The following DNAAF9 variants were observed in gnomAD, a reference collection of about 807,000 sequenced individuals.
DNAAF9 encodes shulin.
DNAAF9 carries 90 observed loss-of-function variants against 167.0 expected under a neutral mutation model. The ratio of observed to expected loss-of-function variants is 0.54; its 90% CI spans 0.45 to 0.64. The LOEUF is 0.64. DNAAF9 is among the 30% of genes least tolerant of loss of function. The pLI, the probability that DNAAF9 is intolerant of heterozygous loss-of-function variation, is 0.00. For synonymous variants in DNAAF9, 491 were observed against 508.8 expected (o/e 0.96, Z 0.47); for missense variants, 1,315 against 1,442.2 (o/e 0.91, Z 1.43).
chr20:3,387,467 G>A (rs6037586), intron 1 of DNAAF9, among the ~76,000 whole-genome samples: 30,834 of 151,896 alleles, frequency 0.2, 3,405 homozygotes, highest in African/African-American at 0.27. Flanking sequence ...GGACCTCACC[G>A]TACACCATAT....
In DNAAF9 at chr20:3,387,516, A is replaced by G. The variant is rs2083761057; in HGVS notation, c.84-5010T>C. ...CAAAATGTATCAAAGACCTAAACAT[A>G]AACATAAAACTATAAAACTTTTATA... On this transcript the variant is annotated intron_variant, in intron 1 of 36. Coordinates refer to ENST00000252032, the MANE Select transcript of DNAAF9 (RefSeq NM_001009984.3). Among the ~76,000 whole-genome samples, 3 of 152,346 alleles carry G rather than the reference A, an allele frequency of 2.0e-5. No homozygotes were observed. The South Asian group carries it at 6.2e-4, about 32-fold the overall frequency.
chr20:3,390,059 G>A (rs1010588715), intron 1 of DNAAF9, among the ~76,000 whole-genome samples: 10 of 151,456 alleles, frequency 6.6e-5, no homozygotes, highest in Non-Finnish European at 1.0e-4. Context: ...AAAGAAAAAT[G>A]GAAACATCTG....
In DNAAF9 at chr20:3,332,348, A is replaced by C. The variant is rs1412322773; in HGVS notation, c.995T>G (p.Val332Gly). ...SFAKHMVAQC[V>G]SPKGPLACSR... ...ACAAGCAAGAGGTCCCTTTGGTGAG[A>C]CACACTGGGCTACCTGGATGTCAGA... is the stretch of plus-strand genomic sequence containing the variant. Residue 332 changes from valine to glycine, a missense_variant, in exon 11 of 37, where the codon GTC becomes GGC. By Grantham distance (109) the Val-to-Gly change is moderately radical. This residue lies in a region of DNAAF9 where 981 missense variants were observed against 1,012.5 expected (regional missense o/e 0.97). Transcript: ENST00000252032. 1 of 1,599,368 alleles carries C rather than the reference A, an allele frequency of 6.3e-7. No individual in the cohort carries two copies. The highest frequency in any genetic ancestry group is 1.3e-5 in the African/African-American group (1 of 74,646).
In DNAAF9 at chr20:3,294,126, T is replaced by G; in HGVS notation, c.2238+13A>C. ...TCCTGTGAATTCCCAGCATATCTGGTGAGCTCCTCTACCTTGTCACTTTCT... is the reference window on the plus strand; with the variant it reads ...TCCTGTGAATTCCCAGCATATCTGGGGAGCTCCTCTACCTTGTCACTTTCT... On this transcript the variant is annotated intron_variant, in intron 25 of 36. Coordinates refer to ENST00000252032, the MANE Select transcript of DNAAF9 (RefSeq NM_001009984.3). 3.7e-5 allele frequency: 51 copies of G among 1,375,690 alleles called. No individual in the cohort carries two copies. The highest frequency in any genetic ancestry group is 1.8e-4 in the Middle Eastern group (1 of 5,530). The allele number at this position is 1,375,690 out of a possible 1,614,324, so 85.2% of individuals were successfully genotyped here.
intron 33 of DNAAF9, 149 bp from the exon 34 acceptor site, chr20:3,256,360 G>A (rs1245976533): frequency 1.5e-6 from 1 of 645,310 alleles, no homozygotes. Flanking sequence ...TAGAAAGGAT[G>A]GAGTAGGTGG....
chr20:3,308,269 T>C (rs548227085), intron 20 of DNAAF9, among the ~76,000 whole-genome samples: 3 of 152,162 alleles, frequency 2.0e-5, no homozygotes, highest in African/African-American at 7.2e-5. Flanking sequence ...ATTCTGTTCC[T>C]GAATGTGACC....
rs1334362599 is a variant in DNAAF9 at position 3,332,899 on chromosome 20, TG to T, written c.982-539del. Among the ~76,000 whole-genome samples, 366 of 67,582 alleles carry T rather than the reference TG, an allele frequency of 5.4e-3. 5 individuals are homozygous for T. The highest frequency in any genetic ancestry group is 0.015 in the East Asian group (43 of 2,822). The allele number at this position is 67,582 out of a possible 152,430, so 44.3% of individuals were successfully genotyped here. On this transcript the variant is annotated intron_variant, in intron 10 of 36. Coordinates refer to ENST00000252032, the MANE Select transcript of DNAAF9 (RefSeq NM_001009984.3). ...GCATGCGTGTGTGCGTGTGTGCGTGTGGTGTGTGTGTGTGTGTGTGTGTGTG... is the reference window on the plus strand; with the variant it reads ...GCATGCGTGTGTGCGTGTGTGCGTGTGTGTGTGTGTGTGTGTGTGTGTGTG...
chr20:3,334,028 A>C (rs1168007753), intron 10 of DNAAF9, among the ~76,000 whole-genome samples: 1 of 152,236 alleles, frequency 6.6e-6, no homozygotes, highest in Non-Finnish European at 1.5e-5. Context: ...GACTATAAAA[A>C]ACAAGAAGAA....
At position 3,404,566 on chromosome 20, in the gene DNAAF9, C is replaced by A. The variant is rs115246819; in HGVS notation, c.83+2909G>T. Among the ~76,000 whole-genome samples the A allele has an allele frequency of 4.1e-3, 622 of 152,202 alleles. 8 individuals carry two copies. The highest frequency in any genetic ancestry group is 0.014 in the African/African-American group (594 of 41,518). The stretch of plus-strand genomic sequence containing the variant: ...CCTTCTTGTATTATTGTTCTTTCGG[C>A]CGTATTTCTTCCTCAGTACTTATGA... On this transcript the variant is annotated intron_variant, in intron 1 of 36. Transcript: ENST00000252032.
chr20:3,378,605 GCTCCTCAGAAACAAGAGCCATTAGGC>G (rs745444183), intron 3 of DNAAF9, among the ~76,000 whole-genome samples: 4 of 152,122 alleles, frequency 2.6e-5, no homozygotes, highest in Non-Finnish European at 5.9e-5. Flanking sequence ...CCATTCTATG[GCTCCTCAGAAACAAGAGCCATTAGGC>G]CTCCTAACAA....
chr20:3,381,024 T>TCA (rs2083643210), intron 3 of DNAAF9, among the ~76,000 whole-genome samples: 2 of 152,288 alleles, frequency 1.3e-5, no homozygotes, highest in South Asian at 4.1e-4. Context: ...CATCCTTACC[T>TCA]CACAACTGAA....
At chr20:3,388,379 C>CTAGAAATTCCAGTTCTGGG in intron 1 of DNAAF9, among the ~76,000 whole-genome samples, 1 of 152,196 alleles carries the variant, frequency 6.6e-6, no homozygotes, top group South Asian at 2.1e-4. Context: ...ACCACATGAT[C>CTAGAAATTCCAGTTCTGGG]TAGAAATTCC....
At chr20:3,316,416 C>T (rs1034764270) in intron 18 of DNAAF9, among the ~76,000 whole-genome samples, 1 of 152,158 alleles carries the variant, frequency 6.6e-6, no homozygotes, top group Non-Finnish European at 1.5e-5. Flanking sequence ...TTGGCCGGGC[C>T]GTTCAACTCC....
At chr20:3,272,276 T>C (rs1423861361) in intron 29 of DNAAF9, among the ~76,000 whole-genome samples, 2 of 152,150 alleles carry the variant, frequency 1.3e-5, no homozygotes, top group African/African-American at 2.4e-5. Flanking sequence ...ACATATTATA[T>C]ATATTTATAT....
intron 25 of DNAAF9, among the ~76,000 whole-genome samples, chr20:3,293,292 C>CAA (rs1172725572): frequency 0.28 from 6,384 of 22,812 alleles, 2,273 homozygotes; most frequent in East Asian, 0.45. Context: ...GACTCCGTCT[C>CAA]AAAAAAAAAA....
At chr20:3,316,853 CCCCAGA>C (rs1450840298) in intron 17 of DNAAF9, 60 bp from the exon 18 acceptor site, 33 of 1,203,132 alleles carry the variant, frequency 2.7e-5, no homozygotes, top group Non-Finnish European at 3.7e-5. Flanking sequence ...GCCTTGCAGG[CCCCAGA>C]CCCTAAATGC....
chr20:3,287,571 A>G, intron 27 of DNAAF9, 61 bp downstream of exon 27: 1 of 1,516,546 alleles, frequency 6.6e-7, no homozygotes, highest in African/African-American at 1.4e-5. Flanking sequence ...CACATAAAAT[A>G]AGAGTAATGG....
chr20:3,369,673 G>A (rs181714068), intron 6 of DNAAF9, among the ~76,000 whole-genome samples: 4 of 152,042 alleles, frequency 2.6e-5, no homozygotes, highest in Admixed American at 2.0e-4. Flanking sequence ...CACCAAGCCC[G>A]GCCTAAAGTT....
intron 30 of DNAAF9, among the ~76,000 whole-genome samples, chr20:3,269,109 G>A (rs1012242485): frequency 7.3e-5 from 11 of 151,018 alleles, no homozygotes; most frequent in African/African-American, 2.2e-4. Context: ...GGGTTCCACC[G>A]TGTTAACAAG....
Sources: allele counts gnomAD v4.1 joint callset (sites outside exome capture counted in the v4.1 genomes callset), GRCh38; gene constraint gnomAD v4.1.1; regional missense constraint gnomAD v4.1.1; transcripts MANE v1.5; gene names NCBI Gene and HGNC (gene_info 2026-07-23, HGNC 2026-07-21).